CACNA2D4: variants seen among roughly 807,000 people sequenced by gnomAD.
CACNA2D4 encodes calcium voltage-gated channel auxiliary subunit alpha2delta 4, also known as voltage-dependent calcium channel subunit alpha-2/delta-4.
CACNA2D4 carries 157 observed loss-of-function variants against 163.8 expected under a neutral mutation model. That is an observed-to-expected ratio of 0.96 (90% CI 0.84 to 1.09). The LOEUF is 1.09. Ranked by LOEUF, CACNA2D4 falls within the 50% of genes least tolerant of loss-of-function variation. CACNA2D4 has a pLI of 0.00. For synonymous variants in CACNA2D4, 598 were observed against 586.9 expected (o/e 1.02, Z -0.27); for missense variants, 1,410 against 1,479.9 (o/e 0.95, Z 0.78).
intron 1 of CACNA2D4, chr12:1,915,337 G>A: frequency 1.5e-6 from 1 of 684,880 alleles, no homozygotes; most frequent in Non-Finnish European, 2.7e-6. Context: ...GGGCTGACGA[G>A]CCCAGGACTG....
chr12:1,917,258 C>T lies in CACNA2D4; in HGVS notation c.227+989G>A, dbSNP rs367625268. ...CCCACTGAATGGCTCTGCAAACTAA[C>T]GGTGTCATTTGTGAAGCGCCCAGCT... On this transcript the variant is annotated intron_variant, in intron 1 of 37. Coordinates refer to ENST00000382722, the MANE Select transcript of CACNA2D4 (RefSeq NM_172364.5). This position sits in a 1 kb window ranked among gnomAD's most constrained non-coding sequence, Gnocchi z 4.3. Among the ~76,000 whole-genome samples the T allele has an allele frequency of 2.6e-5, 4 of 152,152 alleles. No homozygotes were observed. Among genetic ancestry groups the T allele is most frequent in the Non-Finnish European group, 4.4e-5 (3 of 68,036 alleles).
intron 29 of CACNA2D4, among the ~76,000 whole-genome samples, chr12:1,809,777 A>T (rs771070890): frequency 6.6e-6 from 1 of 152,212 alleles, no homozygotes; most frequent in Non-Finnish European, 1.5e-5. Flanking sequence ...GACACACCGA[A>T]GGCCGGGCGT....
At chr12:1,884,022 T>C (rs1592732727) in intron 12 of CACNA2D4, 1 of 529,030 alleles carries the variant, frequency 1.9e-6, no homozygotes, top group African/African-American at 1.9e-5. Context: ...ATGGCTTACT[T>C]TGCTGAAAGA....
At chr12:1,896,606 AACACAC>A (rs61535168) in intron 6 of CACNA2D4, among the ~76,000 whole-genome samples, 56,732 of 130,334 alleles carry the variant, frequency 0.44, 12,959 homozygotes, top group Non-Finnish European at 0.53. Flanking sequence ...GCTATTAATA[AACACAC>A]ACACACACAC....
chr12:1,860,383 T>C (rs1865498107), intron 18 of CACNA2D4, among the ~76,000 whole-genome samples, 177 bp from the exon 19 acceptor site: 1 of 152,170 alleles, frequency 6.6e-6, no homozygotes, highest in African/African-American at 2.4e-5. Flanking sequence ...GCAGATCCTC[T>C]CTAGGTGCAG....
rs1044022897 is a variant in CACNA2D4, at chr12:1,806,209, G to A, written c.2721+4069C>T. On this transcript the variant is annotated intron_variant, in intron 29 of 37. Transcript: ENST00000382722. This position sits in a 1 kb window ranked among gnomAD's most constrained non-coding sequence, Gnocchi z 4.1. Reference sequence around the variant, plus strand: ...AGGAATCGGAGTCCCCAGATTCAGGGTGACAGATCCACTATAAATATTACA... The same window carrying A: ...AGGAATCGGAGTCCCCAGATTCAGGATGACAGATCCACTATAAATATTACA... Among the ~76,000 whole-genome samples the A allele has an allele frequency of 6.6e-6, 1 of 152,180 alleles. No individual in the cohort carries two copies. The highest frequency in any genetic ancestry group is 2.4e-5 in the African/African-American group (1 of 41,426).
intron 13 of CACNA2D4, among the ~76,000 whole-genome samples, chr12:1,881,376 C>T (rs963245807): frequency 1.3e-5 from 2 of 152,226 alleles, no homozygotes; most frequent in Non-Finnish European, 2.9e-5. Context: ...AAACTCACAC[C>T]CAACACTCCA....
At chr12:1,894,621 A>G (rs972697593) in intron 6 of CACNA2D4, among the ~76,000 whole-genome samples, 27 of 23,752 alleles carry the variant, frequency 1.1e-3, no homozygotes, top group Middle Eastern at 0.012. Flanking sequence ...TGACATCAAA[A>G]GAATGAAAAT....
chr12:1,805,944 C>G (rs1677442399), intron 29 of CACNA2D4, among the ~76,000 whole-genome samples: 1 of 152,218 alleles, frequency 6.6e-6, no homozygotes, highest in African/African-American at 2.4e-5. Flanking sequence ...GGAGCCGAGG[C>G]CCAGAAAGGC....
intron 23 of CACNA2D4, among the ~76,000 whole-genome samples, chr12:1,853,631 G>C (rs1410730063): frequency 6.6e-6 from 1 of 152,126 alleles, no homozygotes; most frequent in Non-Finnish European, 1.5e-5. Flanking sequence ...GATTTCTAAG[G>C]GGCTGGGAAA....
chr12:1,903,049 G>A (rs760060105), intron 6 of CACNA2D4, among the ~76,000 whole-genome samples: 3 of 152,068 alleles, frequency 2.0e-5, no homozygotes, highest in Non-Finnish European at 2.9e-5. Context: ...AGAGAGTGCA[G>A]AAATGAATCC....
rs144343381 is a variant in CACNA2D4 at position 1,827,549 on chromosome 12, C to T, written c.2551+13190G>A. 5.1e-3 allele frequency: 774 copies of T among 153,054 alleles called. 3 individuals are homozygous for T. The highest frequency in any genetic ancestry group is 5.9e-3 in the Non-Finnish European group (401 of 68,260). The allele number at this position is 153,054 out of a possible 1,614,324, so 9.5% of individuals were successfully genotyped here. ...GCCATCCAGCGGCTCACACCCTACG[C>T]GGCTGCAGCTGCCAAGGGCCTGGCC... On this transcript the variant is annotated intron_variant, in intron 26 of 37. Coordinates refer to ENST00000382722, the MANE Select transcript of CACNA2D4 (RefSeq NM_172364.5).
At chr12:1,848,802 C>T (rs1865211735) in intron 23 of CACNA2D4, among the ~76,000 whole-genome samples, 1 of 142,062 alleles carries the variant, frequency 7.0e-6, no homozygotes, top group Admixed American at 7.0e-5. Flanking sequence ...AAGACAGGTT[C>T]TCACTACGTT....
At chr12:1,887,896 C>A (rs1866187650) in intron 6 of CACNA2D4, among the ~76,000 whole-genome samples, 1 of 152,180 alleles carries the variant, frequency 6.6e-6, no homozygotes, top group Non-Finnish European at 1.5e-5. Context: ...AAGGGCCCTT[C>A]CTCCTCCACA....
At chr12:1,830,903 C>T (rs1029805956) in intron 26 of CACNA2D4, 1 of 1,552,644 alleles carries the variant, frequency 6.4e-7, no homozygotes, top group African/African-American at 1.4e-5. Context: ...CGTCCTATTG[C>T]TTTCTTTCCC....
intron 26 of CACNA2D4, among the ~76,000 whole-genome samples, chr12:1,814,506 C>A (rs1010667861): frequency 2.6e-5 from 4 of 152,226 alleles, no homozygotes; most frequent in African/African-American, 9.6e-5. Flanking sequence ...CAAGTCCCCA[C>A]TCGACCCAAG....
intron 6 of CACNA2D4, among the ~76,000 whole-genome samples, chr12:1,887,477 C>T (rs1866176465): frequency 6.6e-6 from 1 of 152,204 alleles, no homozygotes; most frequent in South Asian, 2.1e-4. Context: ...AGGTGTTAAG[C>T]TCATTAGCAC....
In CACNA2D4 at chr12:1,799,711, G is replaced by A; in HGVS notation, c.2975-16C>T. ...ACACTTTTGGCTGGCCGGAACATAA[G>A]CCCAGCACAGGGTGGACACGGCACA... On this transcript the variant is annotated splice_polypyrimidine_tract_variant and intron_variant, in intron 33 of 37. Coordinates refer to ENST00000382722, the MANE Select transcript of CACNA2D4 (RefSeq NM_172364.5). This position sits in a 1 kb window ranked among gnomAD's most constrained non-coding sequence, Gnocchi z 4.7. 6.4e-7 allele frequency: 1 copy of A among 1,568,560 alleles called. No individual in the cohort carries two copies. The highest frequency in any genetic ancestry group is 1.2e-5 in the South Asian group (1 of 85,018).
intron 6 of CACNA2D4, among the ~76,000 whole-genome samples, chr12:1,903,711 AG>A (rs141557442): frequency 0.028 from 4,241 of 152,142 alleles, 188 homozygotes; most frequent in African/African-American, 0.096. Flanking sequence ...TCCAAAAAAC[AG>A]GCAATTGCAA....
Sources: gnomAD v4.1 joint callset for allele counts (sites outside exome capture counted in the v4.1 genomes callset) on GRCh38, gnomAD v4.1.1 for gene constraint, Gnocchi (gnomAD v3.1) non-coding constraint, MANE v1.5 for transcripts, NCBI Gene and HGNC (gene_info 2026-07-23, HGNC 2026-07-21) for gene names.